Variants in MRTFB observed in about 807,000 individuals in gnomAD.
MRTFB encodes myocardin related transcription factor B.
MRTFB carries 29 observed loss-of-function variants against 104.2 expected under a neutral mutation model. The ratio of observed to expected loss-of-function variants is 0.28; its 90% CI spans 0.21 to 0.38. MRTFB has a LOEUF of 0.38. Among genes scored for constraint, MRTFB ranks in the 10% least tolerant of loss-of-function variants. The probability of loss-of-function intolerance (pLI) is 1.00; values close to 1 mark genes in which losing one functional copy is unlikely to be tolerated. For missense variants in MRTFB, 1,270 were observed against 1,341.6 expected (o/e 0.95, Z 0.83); for synonymous variants, 535 against 519.5 (o/e 1.03, Z -0.41).
intron 3 of MRTFB, among the ~76,000 whole-genome samples, chr16:14,176,409 A>G (rs902962763): frequency 1.3e-5 from 2 of 152,244 alleles, no homozygotes; most frequent in Non-Finnish European, 2.9e-5. Context: ...GAGAGAAAGT[A>G]TAAAAGGTTA....
chr16:14,155,647 C>T (rs1389556684), intron 3 of MRTFB, among the ~76,000 whole-genome samples: 1 of 152,132 alleles, frequency 6.6e-6, no homozygotes, highest in Admixed American at 6.6e-5. Flanking sequence ...TAGGAAAGAT[C>T]TAGGGTAGCA....
chr16:14,245,342 GCAAA>G (rs970626102), intron 10 of MRTFB, among the ~76,000 whole-genome samples, 182 bp from the exon 11 acceptor site: 5 of 152,168 alleles, frequency 3.3e-5, no homozygotes, highest in South Asian at 2.1e-4. Context: ...CGTCACGCTA[GCAAA>G]CAAACAAAAC....
At chr16:14,111,572 C>T (rs1241372294) in intron 2 of MRTFB, among the ~76,000 whole-genome samples, 2 of 152,224 alleles carry the variant, frequency 1.3e-5, no homozygotes, top group African/African-American at 4.8e-5. Flanking sequence ...TGGTGCTTGG[C>T]TTCAAGGACC....
intron 10 of MRTFB, chr16:14,241,076 C>T: frequency 7.6e-6 from 3 of 396,670 alleles, no homozygotes; most frequent in Admixed American, 4.3e-5. Flanking sequence ...CAGCCAATGT[C>T]TAAGGGGACT....
rs571980825 is a variant in MRTFB, at chr16:14,184,183, C to T, written c.155-26060C>T. Among the ~76,000 whole-genome samples the T allele has an allele frequency of 5.3e-5, 8 of 150,942 alleles. No homozygotes were observed. In the South Asian group the frequency reaches 1.7e-3, roughly 32 times the overall value. ...AAGCTGCGTGCTTTGGAATCCTGGC[C>T]ACCACTTATGAGATATGCCACCTCT... On this transcript the variant is annotated intron_variant, in intron 3 of 16. Transcript: ENST00000571589.
intron 2 of MRTFB, among the ~76,000 whole-genome samples, chr16:14,091,084 G>A (rs2035034043): frequency 6.6e-6 from 1 of 152,060 alleles, no homozygotes; most frequent in South Asian, 2.1e-4. Context: ...GGAGGTGATT[G>A]GATCACTCTA....
At chr16:14,076,080 ACT>A (rs920039253) in intron 1 of MRTFB, among the ~76,000 whole-genome samples, 5 of 151,300 alleles carry the variant, frequency 3.3e-5, no homozygotes, top group Middle Eastern at 6.8e-3. Flanking sequence ...TACTATATAT[ACT>A]CTTTTTATAT....
At chr16:14,002,166 T>G in the MRTFB span, among the ~76,000 whole-genome samples, 1 of 152,118 alleles carries the variant, frequency 6.6e-6, no homozygotes, top group Non-Finnish European at 1.5e-5. Flanking sequence ...GTGGATCACC[T>G]GAGGTCAGGA....
the MRTFB span, among the ~76,000 whole-genome samples, chr16:14,052,356 C>T: frequency 6.6e-6 from 1 of 152,096 alleles, no homozygotes; most frequent in South Asian, 2.1e-4. Flanking sequence ...GTGTAATGAT[C>T]ACATCGGGGT....
intron 2 of MRTFB, among the ~76,000 whole-genome samples, chr16:14,122,352 A>G (rs1179383754): frequency 6.6e-6 from 1 of 151,492 alleles, no homozygotes; most frequent in African/African-American, 2.4e-5. Context: ...TGTTACATGT[A>G]TATACACGTG....
chr16:14,131,879 C>T (rs539947530), intron 2 of MRTFB, among the ~76,000 whole-genome samples: 1 of 152,178 alleles, frequency 6.6e-6, no homozygotes, highest in South Asian at 2.1e-4. Context: ...GGCATTCTCT[C>T]AAATGGTTAC....
At chr16:14,009,938 A>G in the MRTFB span, 12 of 152,286 alleles carry the variant, frequency 7.9e-5, no homozygotes, top group African/African-American at 2.6e-4. Flanking sequence ...GCCCCAGGCA[A>G]ACTCTCTCCT....
Position 14,246,890 on chromosome 16 carries a change from T to G in MRTFB, c.1630T>G (p.Leu544Val), listed in dbSNP as rs775976122. 2 of 1,613,558 alleles carry G rather than the reference T, an allele frequency of 1.2e-6. No individual in the cohort carries two copies. Among genetic ancestry groups the G allele is most frequent in the Admixed American group, 3.3e-5 (2 of 59,980 alleles). ...SPSQFLSSSP[L>V]RMTNNEDSLS... ...TTCACAGTTCTTGAGTTCATCTCCT[T>G]TGAGAATGACAAATAATGAAGACAG... The change falls in exon 12 of 17, where the codon TTG becomes GTG. Residue 544 changes from leucine (L) to valine (V), a missense_variant. Around this residue, in one of 3 missense-constraint regions of MRTFB, gnomAD observed 1,144 missense variants for 1,131.5 expected, o/e 1.01. Coordinates refer to ENST00000571589, the MANE Select transcript of MRTFB (RefSeq NM_001308142.2).
Position 14,155,055 on chromosome 16 carries a change from A to C in MRTFB, c.154+14295A>C, listed in dbSNP as rs541178370. 3.9e-5 allele frequency among the ~76,000 whole-genome samples: 6 copies of C among 152,326 alleles called. No individual in the cohort carries two copies. The South Asian group carries it at 1.2e-3, about 32-fold the overall frequency. The stretch of plus-strand genomic sequence containing the variant: ...CCCTAAAGGCTGCCCATCACAATTG[A>C]GTTCAAATCTATCATCCATCATCTT... On this transcript the variant is annotated intron_variant, in intron 3 of 16. Transcript: ENST00000571589.
chr16:14,222,410 G>GT (rs905890966), intron 8 of MRTFB, among the ~76,000 whole-genome samples: 3 of 151,862 alleles, frequency 2.0e-5, no homozygotes, highest in Admixed American at 1.3e-4. Context: ...AACATTATGA[G>GT]TTTTTTTGTG....
chr16:14,169,342 C>G (rs1466528227), intron 3 of MRTFB, among the ~76,000 whole-genome samples: 1 of 152,182 alleles, frequency 6.6e-6, no homozygotes, highest in South Asian at 2.1e-4. Flanking sequence ...CTCTGCTTTT[C>G]CTGCCTGTTT....
chr16:14,039,055 C>A, the MRTFB span, among the ~76,000 whole-genome samples: 1 of 152,162 alleles, frequency 6.6e-6, no homozygotes, highest in Non-Finnish European at 1.5e-5. Flanking sequence ...CCTCCCACAA[C>A]ATGTGGGAAT....
Position 14,246,742 on chromosome 16 carries a change from C to G in MRTFB, c.1482C>G (p.Thr494=). ...ELPPTGTSNA[T]RVENVHSPLP... ...CACCTACAGGAACCAGCAACGCAACCCGTGTGGAAAATGTTCATTCCCCTC... is the reference window on the plus strand; with the variant it reads ...CACCTACAGGAACCAGCAACGCAACGCGTGTGGAAAATGTTCATTCCCCTC... Residue 494 remains threonine, a synonymous_variant, in exon 12 of 17, where the codon ACC becomes ACG. Coordinates refer to ENST00000571589, the MANE Select transcript of MRTFB (RefSeq NM_001308142.2). The G allele has an allele frequency of 1.9e-6, 3 of 1,614,212 alleles. No homozygotes were observed. The highest frequency in any genetic ancestry group is 1.7e-6 in the Non-Finnish European group (2 of 1,180,040).
At chr16:14,146,596 G>A (rs1446446055) in intron 3 of MRTFB, among the ~76,000 whole-genome samples, 1 of 152,170 alleles carries the variant, frequency 6.6e-6, no homozygotes, top group Non-Finnish European at 1.5e-5. Context: ...TAATATATTT[G>A]CAAACAGTCA....
Sources: gnomAD v4.1 joint callset for allele counts (sites outside exome capture counted in the v4.1 genomes callset) on GRCh38, gnomAD v4.1.1 for gene constraint, gnomAD v4.1.1 regional missense constraint, MANE v1.5 for transcripts, NCBI Gene and HGNC (gene_info 2026-07-23, HGNC 2026-07-21) for gene names.